BICD1: variants seen among roughly 807,000 people sequenced by gnomAD.
BICD1 encodes the protein protein bicaudal D homolog 1.
In BICD1, 35 loss-of-function variants were observed where a neutral mutation model predicts 92.5. The observed-to-expected ratio is 0.38, with a 90% CI of 0.29 to 0.50. The LOEUF is 0.50. Ranked by LOEUF, BICD1 falls within the 20% of genes least tolerant of loss-of-function variation. The pLI is 0.93. For missense variants in BICD1, 950 were observed against 1,189.8 expected (o/e 0.80, Z 2.97); for synonymous variants, 429 against 465.1 (o/e 0.92, Z 1.00).
chr12:32,182,278 CTTTTT>C (rs759328721), intron 1 of BICD1, among the ~76,000 whole-genome samples: 2 of 81,420 alleles, frequency 2.5e-5, no homozygotes, highest in African/African-American at 4.3e-5. Flanking sequence ...TTCTTTCTTT[CTTTTT>C]TTTTTTTTTT....
intron 2 of BICD1, among the ~76,000 whole-genome samples, chr12:32,237,652 G>A (rs1019835745): frequency 1.5e-4 from 23 of 152,114 alleles, no homozygotes; most frequent in African/African-American, 5.3e-4. Context: ...TACTCTACTT[G>A]TACTCTATTA....
intron 1 of BICD1, among the ~76,000 whole-genome samples, chr12:32,177,454 T>A (rs916070713): frequency 1.3e-5 from 2 of 150,998 alleles, no homozygotes; most frequent in Admixed American, 6.6e-5. Flanking sequence ...TTTTTTTTTT[T>A]AAAGAAGCAC....
At chr12:32,268,177 A>G (rs1054760582) in intron 2 of BICD1, among the ~76,000 whole-genome samples, 3 of 152,188 alleles carry the variant, frequency 2.0e-5, no homozygotes, top group African/African-American at 7.2e-5. Context: ...CTAGTTATGT[A>G]TCACATCCCA....
chr12:32,308,064 T>G (rs956545001), intron 4 of BICD1, among the ~76,000 whole-genome samples: 3 of 152,240 alleles, frequency 2.0e-5, no homozygotes, highest in Admixed American at 6.5e-5. Context: ...TGTGCTCAGA[T>G]TTAATTCTAA....
chr12:32,199,071 G>C (rs1255013707), intron 1 of BICD1, among the ~76,000 whole-genome samples: 1 of 152,134 alleles, frequency 6.6e-6, no homozygotes, highest in East Asian at 1.9e-4. Flanking sequence ...TGAGGCTGTT[G>C]GGGGATGAGT....
At chr12:32,296,312 C>T (rs1455725565) in intron 3 of BICD1, among the ~76,000 whole-genome samples, 1 of 131,978 alleles carries the variant, frequency 7.6e-6, no homozygotes, top group Non-Finnish European at 1.5e-5. Context: ...GGCTGGAGTG[C>T]AGTGGCGCGA....
intron 4 of BICD1, among the ~76,000 whole-genome samples, chr12:32,307,299 G>A (rs1203769240): frequency 2.0e-5 from 3 of 152,178 alleles, no homozygotes; most frequent in Non-Finnish European, 4.4e-5. Flanking sequence ...ATTGCAACAT[G>A]AGTTAAACCT....
At chr12:32,377,424 G>A (rs1351096149) in intron 9 of BICD1, 116 bp from the exon 10 acceptor site, 1 of 803,362 alleles carries the variant, frequency 1.2e-6, no homozygotes. Flanking sequence ...CATTTACTGT[G>A]CAGATTTCTG....
At chr12:32,350,153 A>G (rs1320369081) in intron 8 of BICD1, among the ~76,000 whole-genome samples, 2 of 152,258 alleles carry the variant, frequency 1.3e-5, no homozygotes, top group Middle Eastern at 3.4e-3. Context: ...TGTTCATGGA[A>G]GGCCCAGGCT....
intron 8 of BICD1, among the ~76,000 whole-genome samples, chr12:32,351,585 T>A: frequency 6.7e-6 from 1 of 149,448 alleles, no homozygotes; most frequent in Non-Finnish European, 1.5e-5. Context: ...TGCAGAATGA[T>A]CTAGAGCAGG....
chr12:32,140,594 C>T (rs1042642334), intron 1 of BICD1, among the ~76,000 whole-genome samples: 1 of 152,170 alleles, frequency 6.6e-6, no homozygotes, highest in African/African-American at 2.4e-5. Context: ...AATTCGCTGC[C>T]TCAGCCTCCC....
intron 1 of BICD1, among the ~76,000 whole-genome samples, chr12:32,150,636 A>G (rs1943261242): frequency 6.6e-6 from 1 of 152,290 alleles, no homozygotes; most frequent in Non-Finnish European, 1.5e-5. Flanking sequence ...ATAGACGGGT[A>G]ACTTCCAGGG....
intron 8 of BICD1, among the ~76,000 whole-genome samples, chr12:32,356,137 T>C (rs1939085935): frequency 6.6e-6 from 1 of 152,172 alleles, no homozygotes; most frequent in Non-Finnish European, 1.5e-5. Context: ...ACAAACATTC[T>C]CTCACCTGAT....
intron 2 of BICD1, among the ~76,000 whole-genome samples, chr12:32,258,999 A>C (rs1016185704): frequency 6.6e-6 from 1 of 151,778 alleles, no homozygotes; most frequent in Non-Finnish European, 1.5e-5. Context: ...GGAAAGGAAG[A>C]CTCCCTTTCA....
intron 4 of BICD1, among the ~76,000 whole-genome samples, chr12:32,316,801 C>T (rs894048816): frequency 1.3e-5 from 2 of 151,926 alleles, no homozygotes; most frequent in Non-Finnish European, 2.9e-5. Flanking sequence ...GTGTGCTGCA[C>T]CCATTAACTT....
chr12:32,177,682 A>ATTCTTTTTTTTTTTTT (rs766041969), intron 1 of BICD1, among the ~76,000 whole-genome samples: 1 of 43,038 alleles, frequency 2.3e-5, no homozygotes. Flanking sequence ...AAGAAAACAC[A>ATTCTTTTTTTTTTTTT]TTATTAAAGT....
chr12:32,381,617 TAATGTATAATTGTCATAATC>T lies in BICD1; in HGVS notation c.*3994_*4013del, dbSNP rs1257067215. On this transcript the variant is annotated 3_prime_UTR_variant, in exon 10 of 10. Coordinates refer to ENST00000652176, the MANE Select transcript of BICD1 (RefSeq NM_001714.4). Reference sequence around the variant, plus strand: ...TTTCTTCTGGGATGAGTGTCAATTTTAATGTATAATTGTCATAATCAATCAGCCAAAAGTTACAATCTGTC... The same window carrying T: ...TTTCTTCTGGGATGAGTGTCAATTTTAATCAGCCAAAAGTTACAATCTGTC... The T allele has an allele frequency of 6.6e-6, 1 of 152,170 alleles. No homozygotes were observed. Among genetic ancestry groups the T allele is most frequent in the Non-Finnish European group, 1.5e-5 (1 of 67,988 alleles). 9.4% of individuals were successfully genotyped at this position (152,170 alleles called of 1,614,324 possible).
chr12:32,198,377 T>C (rs1488482499), intron 1 of BICD1, among the ~76,000 whole-genome samples: 5 of 118,150 alleles, frequency 4.2e-5, no homozygotes, highest in Admixed American at 1.0e-4. Context: ...GCAAAAATAA[T>C]GAAGAACCTG....
intron 2 of BICD1, among the ~76,000 whole-genome samples, chr12:32,245,842 C>A (rs575198018): frequency 6.6e-6 from 1 of 151,206 alleles, no homozygotes; most frequent in African/African-American, 2.4e-5. Flanking sequence ...CCAGTCTGGC[C>A]AACATAGTGA....
Sources: gnomAD v4.1 joint callset for allele counts (sites outside exome capture counted in the v4.1 genomes callset) on GRCh38, gnomAD v4.1.1 for gene constraint, MANE v1.5 for transcripts, NCBI Gene and HGNC (gene_info 2026-07-23, HGNC 2026-07-21) for gene names.